The following CCDC178 variants were observed in gnomAD, a reference collection of about 807,000 sequenced individuals.
CCDC178 encodes the protein coiled-coil domain containing 178, also known as coiled-coil domain-containing protein 178.
In CCDC178, 126 loss-of-function variants were observed where a neutral mutation model predicts 117.4. The ratio of observed to expected loss-of-function variants is 1.07; its 90% CI spans 0.93 to 1.24. The LOEUF is 1.24. Ranked by LOEUF, CCDC178 falls within the 50% of genes most tolerant of loss-of-function variation. CCDC178 has a pLI of 0.00. For missense variants in CCDC178, 1,030 were observed against 986.9 expected, an observed-to-expected ratio of 1.04 and a Z score of -0.59; for synonymous variants, 283 against 313.4, an observed-to-expected ratio of 0.90 and a Z score of 1.02.
intron 14 of CCDC178, among the ~76,000 whole-genome samples, chr18:33,249,355 T>C (rs1165118378): frequency 6.6e-6 from 1 of 152,148 alleles, no homozygotes; most frequent in East Asian, 1.9e-4. Context: ...GCCTATGTCC[T>C]GAATGGTATT....
At chr18:32,962,112 A>T (rs2054716353) in intron 22 of CCDC178, among the ~76,000 whole-genome samples, 1 of 151,708 alleles carries the variant, frequency 6.6e-6, no homozygotes, top group Non-Finnish European at 1.5e-5. Context: ...TACATCTCTC[A>T]CTTAGTCTCC....
chr18:33,362,145 G>T (rs1337455297), intron 6 of CCDC178, among the ~76,000 whole-genome samples: 1 of 148,154 alleles, frequency 6.7e-6, no homozygotes, highest in Non-Finnish European at 1.5e-5. Context: ...GCATGTGTAT[G>T]TGTGTCTATA....
intron 20 of CCDC178, among the ~76,000 whole-genome samples, chr18:33,189,292 G>A (rs928464904): frequency 6.6e-6 from 1 of 152,050 alleles, no homozygotes; most frequent in African/African-American, 2.4e-5. Flanking sequence ...AGTATAAGCA[G>A]CAGAAGAATA....
chr18:32,940,341 TTTTC>T (rs1206654301), intron 22 of CCDC178, among the ~76,000 whole-genome samples: 3 of 152,060 alleles, frequency 2.0e-5, no homozygotes, highest in Non-Finnish European at 4.4e-5. Flanking sequence ...TTTTATCAAC[TTTTC>T]TTTTTTTGCT....
chr18:33,102,621 G>A (rs1598885154), intron 20 of CCDC178, among the ~76,000 whole-genome samples: 1 of 151,740 alleles, frequency 6.6e-6, no homozygotes, highest in Non-Finnish European at 1.5e-5. Flanking sequence ...AAGAGATTAT[G>A]AGCATCTTTA....
At chr18:33,146,904 T>C (rs2058274505) in intron 20 of CCDC178, among the ~76,000 whole-genome samples, 2 of 152,136 alleles carry the variant, frequency 1.3e-5, no homozygotes, top group South Asian at 2.1e-4. Flanking sequence ...TCTGAAAAAA[T>C]ACCCGTAAAG....
At chr18:33,024,120 A>T (rs1213113101) in intron 21 of CCDC178, among the ~76,000 whole-genome samples, 3 of 152,226 alleles carry the variant, frequency 2.0e-5, no homozygotes, top group Non-Finnish European at 4.4e-5. Context: ...GCCAAACAAG[A>T]CTTAATTTCC....
chr18:33,351,742 G>A (rs1433489588), intron 7 of CCDC178, among the ~76,000 whole-genome samples: 2 of 151,858 alleles, frequency 1.3e-5, no homozygotes, highest in Non-Finnish European at 1.5e-5. Context: ...TTGTAGAGAT[G>A]GGTTTTGATT....
At chr18:33,030,911 A>T (rs7229584) in intron 21 of CCDC178, among the ~76,000 whole-genome samples, 1 of 151,974 alleles carries the variant, frequency 6.6e-6, no homozygotes, top group East Asian at 1.9e-4. Flanking sequence ...AGCTGGTAGC[A>T]TGGCTCAGTC....
intron 21 of CCDC178, among the ~76,000 whole-genome samples, chr18:33,061,771 T>C (rs2056925004): frequency 6.6e-6 from 1 of 152,204 alleles, no homozygotes; most frequent in Non-Finnish European, 1.5e-5. Context: ...ATGATAGATT[T>C]ATCAATACTG....
chr18:33,134,238 T>C (rs1005740378), intron 20 of CCDC178, among the ~76,000 whole-genome samples: 1 of 151,992 alleles, frequency 6.6e-6, no homozygotes, highest in African/African-American at 2.4e-5. Flanking sequence ...GTTATAAAAA[T>C]ATTCATATTA....
At chr18:33,193,269 A>C (rs2058885004) in intron 20 of CCDC178, among the ~76,000 whole-genome samples, 1 of 147,792 alleles carries the variant, frequency 6.8e-6, no homozygotes, top group African/African-American at 2.5e-5. Flanking sequence ...TCTCACAAAA[A>C]AAAAAAAAAA....
chr18:32,962,600 A>AT (rs2054727340), intron 22 of CCDC178, among the ~76,000 whole-genome samples: 1 of 151,540 alleles, frequency 6.6e-6, no homozygotes, highest in African/African-American at 2.4e-5. Flanking sequence ...TCTAGTCTCC[A>AT]TTTTTTCTGA....
rs1271786163 is a variant in CCDC178, at chr18:33,273,507, T to A, written c.1177-6210A>T. On this transcript the variant is annotated intron_variant, in intron 12 of 22. Coordinates refer to ENST00000383096, the MANE Select transcript of CCDC178 (RefSeq NM_001105528.4). ...TAATCAAGACATTGTAGTACTGGCA[T>A]AAGGAAAGACATATAAATCAATGGG... Among the ~76,000 whole-genome samples, 4 of 151,640 alleles carry A rather than the reference T, an allele frequency of 2.6e-5. No individual in the cohort carries two copies. In the South Asian group the frequency reaches 8.3e-4, roughly 31 times the overall value.
intron 20 of CCDC178, among the ~76,000 whole-genome samples, chr18:33,188,277 G>A (rs527461002): frequency 3.5e-4 from 54 of 152,136 alleles, no homozygotes; most frequent in Admixed American, 7.2e-4. Context: ...TGTGGTTATG[G>A]TACTCAAAAT....
chr18:33,349,992 C>T (rs867080705), intron 7 of CCDC178, among the ~76,000 whole-genome samples: 1 of 152,002 alleles, frequency 6.6e-6, no homozygotes, highest in South Asian at 2.1e-4. Flanking sequence ...CTAGGTAACT[C>T]TGTCAATTCC....
At chr18:33,246,146 T>C (rs1253778223) in intron 14 of CCDC178, among the ~76,000 whole-genome samples, 1 of 151,854 alleles carries the variant, frequency 6.6e-6, no homozygotes, top group African/African-American at 2.4e-5. Context: ...ACAATAAATC[T>C]GGGGTAAAGC....
intron 22 of CCDC178, among the ~76,000 whole-genome samples, chr18:32,952,626 A>G (rs1326284610): frequency 1.3e-5 from 2 of 152,184 alleles, no homozygotes; most frequent in Admixed American, 6.5e-5. Context: ...GGTCTCTAAC[A>G]TGCCCTGGAG....
At chr18:33,000,313 TA>T (rs1013703041) in intron 21 of CCDC178, among the ~76,000 whole-genome samples, 3 of 150,726 alleles carry the variant, frequency 2.0e-5, no homozygotes, top group Admixed American at 6.6e-5. Context: ...AAAAAATAAT[TA>T]AAAAAAATAA....
Sources: allele counts gnomAD v4.1 joint callset (sites outside exome capture counted in the v4.1 genomes callset), GRCh38; gene constraint gnomAD v4.1.1; transcripts MANE v1.5; gene names NCBI Gene and HGNC (gene_info 2026-07-23, HGNC 2026-07-21).